Variants in SLC35F1 observed in about 807,000 individuals in gnomAD.
SLC35F1 encodes solute carrier family 35 member F1, also known as chromosome 6 open reading frame 169.
In SLC35F1, 14 loss-of-function variants were observed where a neutral mutation model predicts 48.7. The observed-to-expected ratio is 0.29, with a 90% CI of 0.19 to 0.45. The LOEUF (loss-of-function observed/expected upper bound fraction) is 0.45, where lower values mean the gene tolerates loss of function less well. Ranked by LOEUF, SLC35F1 falls within the 20% of genes least tolerant of loss-of-function variation. The pLI is 1.00. For synonymous variants in SLC35F1, 190 were observed against 202.2 expected, an observed-to-expected ratio of 0.94 and a Z score of 0.51; for missense variants, 404 against 500.0, an observed-to-expected ratio of 0.81 and a Z score of 1.83.
intron 1 of SLC35F1, among the ~76,000 whole-genome samples, chr6:118,078,548 A>C (rs1772856166): frequency 6.6e-6 from 1 of 152,226 alleles, no homozygotes; most frequent in Non-Finnish European, 1.5e-5. Flanking sequence ...AAAATAAAAA[A>C]TTTATACAAT....
chr6:117,994,462 A>G (rs1174299093), intron 1 of SLC35F1, among the ~76,000 whole-genome samples: 2 of 152,190 alleles, frequency 1.3e-5, no homozygotes, highest in Non-Finnish European at 2.9e-5. Context: ...AGCTTTGGGA[A>G]GCCATTTTGC....
chr6:118,084,233 T>G (rs921060935), intron 1 of SLC35F1, among the ~76,000 whole-genome samples: 1 of 152,174 alleles, frequency 6.6e-6, no homozygotes, highest in Admixed American at 6.5e-5. Flanking sequence ...TCCCATGACT[T>G]TATTAAGTTT....
chr6:117,921,966 ACAAAAAAAGATTTCTTAGC>A (rs1775905340), intron 1 of SLC35F1, among the ~76,000 whole-genome samples: 1 of 152,244 alleles, frequency 6.6e-6, no homozygotes, highest in Non-Finnish European at 1.5e-5. Context: ...TAAGACAACA[ACAAAAAAAGATTTCTTAGC>A]CAAATTGTCA....
At chr6:118,040,677 ACCTCAT>A (rs1468910021) in intron 1 of SLC35F1, among the ~76,000 whole-genome samples, 1 of 151,424 alleles carries the variant, frequency 6.6e-6, no homozygotes, top group South Asian at 2.1e-4. Flanking sequence ...TAGTAGTTTA[ACCTCAT>A]CCTCATCGTT....
chr6:117,945,929 A>T (rs1776290170), intron 1 of SLC35F1, among the ~76,000 whole-genome samples: 2 of 152,240 alleles, frequency 1.3e-5, no homozygotes, highest in African/African-American at 4.8e-5. Context: ...CCAGGGTCCT[A>T]AGAGAATATG....
At position 118,285,449 on chromosome 6, in the gene SLC35F1, G is replaced by A. The variant is rs1455924643; in HGVS notation, c.1002+111G>A. On this transcript the variant is annotated intron_variant, in intron 7 of 7. Transcript: ENST00000360388. ...CTGATTTTGTGTAGGGAATAGTAAT[G>A]TAACTGGGTGTGCTAACCTCCATGA... The A allele has an allele frequency of 3.3e-6, 4 of 1,206,176 alleles. No individual in the cohort carries two copies. The African/African-American group carries it at 6.0e-5, about 18-fold the overall frequency. 74.7% of individuals were successfully genotyped at this position (1,206,176 alleles called of 1,614,324 possible). A position where few individuals can be genotyped will look rare whatever the true frequency, so the allele number is the denominator to read the frequency against.
chr6:118,132,500 A>G lies in SLC35F1; in HGVS notation c.174-21945A>G, dbSNP rs150086235. On this transcript the variant is annotated intron_variant, in intron 1 of 7. Transcript: ENST00000360388. Reference sequence around the variant, plus strand: ...TGTGCCTCAGTTTCCTCATCTGTAAAATGGAGATAATAAAAATATTTACTT... The same window carrying G: ...TGTGCCTCAGTTTCCTCATCTGTAAGATGGAGATAATAAAAATATTTACTT... Among the ~76,000 whole-genome samples, 113 of 152,300 alleles carry G rather than the reference A, an allele frequency of 7.4e-4. 1 individual carries two copies. In the East Asian group the frequency reaches 0.019, roughly 26 times the overall value.
At chr6:117,999,035 A>G (rs1315239139) in intron 1 of SLC35F1, 2 of 1,459,686 alleles carry the variant, frequency 1.4e-6, no homozygotes, top group Non-Finnish European at 1.9e-6. Flanking sequence ...CAGAAATGGT[A>G]TCAAGAAACC....
chr6:117,998,128 T>G (rs368164372), intron 1 of SLC35F1, among the ~76,000 whole-genome samples: 51 of 148,944 alleles, frequency 3.4e-4, no homozygotes, highest in African/African-American at 8.9e-4. Context: ...TGCAATCCTA[T>G]TCTCTGATAA....
intron 2 of SLC35F1, among the ~76,000 whole-genome samples, chr6:118,208,914 GA>G (rs1172802568): frequency 6.6e-6 from 1 of 152,136 alleles, no homozygotes; most frequent in Non-Finnish European, 1.5e-5. Flanking sequence ...TATAGAACCA[GA>G]AAAATTCTTC....
intron 1 of SLC35F1, among the ~76,000 whole-genome samples, chr6:118,061,444 G>A (rs1448747890): frequency 6.6e-6 from 1 of 151,996 alleles, no homozygotes; most frequent in African/African-American, 2.4e-5. Flanking sequence ...ATGAACTAAA[G>A]ATTGTTTACT....
intron 2 of SLC35F1, among the ~76,000 whole-genome samples, chr6:118,221,996 AAT>A (rs1298980304): frequency 6.6e-6 from 1 of 152,136 alleles, no homozygotes; most frequent in Admixed American, 6.6e-5. Context: ...TCAGAATGCA[AAT>A]ATGGTCTGCA....
chr6:118,122,090 A>T (rs1330616933), intron 1 of SLC35F1, among the ~76,000 whole-genome samples: 1 of 152,168 alleles, frequency 6.6e-6, no homozygotes, highest in Non-Finnish European at 1.5e-5. Flanking sequence ...GTGCAATTAA[A>T]GGGCTGTTGA....
At chr6:118,189,251 T>C (rs902763906) in intron 2 of SLC35F1, among the ~76,000 whole-genome samples, 4 of 152,178 alleles carry the variant, frequency 2.6e-5, no homozygotes, top group African/African-American at 9.7e-5. Context: ...GATTCCCTCT[T>C]CTCTAGACCA....
chr6:118,022,054 AACAG>A (rs1777402709), intron 1 of SLC35F1, among the ~76,000 whole-genome samples: 1 of 152,212 alleles, frequency 6.6e-6, no homozygotes, highest in Non-Finnish European at 1.5e-5. Flanking sequence ...GGGGAAAAGA[AACAG>A]AGTCTACTTC....
chr6:118,190,476 C>T (rs1047256875), intron 2 of SLC35F1, among the ~76,000 whole-genome samples: 1 of 151,834 alleles, frequency 6.6e-6, no homozygotes, highest in Non-Finnish European at 1.5e-5. Context: ...CAGGTTCTTA[C>T]TTAGGTGAGA....
intron 2 of SLC35F1, among the ~76,000 whole-genome samples, chr6:118,196,131 A>G (rs936842503): frequency 7.2e-5 from 11 of 152,230 alleles, no homozygotes; most frequent in Admixed American, 6.5e-5. Flanking sequence ...GTACAGAAAC[A>G]GCTGGATTAG....
At chr6:118,048,410 A>G (rs1254857872) in intron 1 of SLC35F1, among the ~76,000 whole-genome samples, 1 of 152,148 alleles carries the variant, frequency 6.6e-6, no homozygotes, top group Non-Finnish European at 1.5e-5. Context: ...ATGAGTAAAG[A>G]GGAAGTCAAA....
intron 2 of SLC35F1, among the ~76,000 whole-genome samples, chr6:118,158,535 ATCTT>A (rs1323779567): frequency 6.6e-6 from 1 of 152,206 alleles, no homozygotes; most frequent in African/African-American, 2.4e-5. Context: ...TTTTAAACAA[ATCTT>A]TCTTTATAGT....
Sources: gnomAD v4.1 joint callset for allele counts (sites outside exome capture counted in the v4.1 genomes callset) on GRCh38, gnomAD v4.1.1 for gene constraint, MANE v1.5 for transcripts, NCBI Gene and HGNC (gene_info 2026-07-23, HGNC 2026-07-21) for gene names.